Variants in LGMN observed in about 807,000 individuals in gnomAD.
LGMN encodes the protein legumain.
Under a neutral mutation model 56.8 loss-of-function variants are expected in LGMN, and 36 were observed. The ratio of observed to expected loss-of-function variants is 0.63; its 90% CI spans 0.49 to 0.84. The LOEUF (loss-of-function observed/expected upper bound fraction) is 0.84. LGMN is among the 40% of genes least tolerant of loss of function. The pLI is 0.00. For synonymous variants in LGMN, 199 were observed against 210.1 expected (o/e 0.95, Z 0.46); for missense variants, 446 against 556.1 (o/e 0.80, Z 1.99).
intron 1 of LGMN, among the ~76,000 whole-genome samples, chr14:92,743,275 G>A (rs1891649639): frequency 1.3e-5 from 2 of 152,228 alleles, no homozygotes; most frequent in Admixed American, 6.5e-5. Flanking sequence ...GCCAAGGCGG[G>A]TGGATCACGA....
At chr14:92,717,572 G>T (rs1026181431) in intron 3 of LGMN, 111 bp from the exon 4 acceptor site, 5 of 788,212 alleles carry the variant, frequency 6.3e-6, no homozygotes, top group African/African-American at 1.7e-5. Context: ...GTTGGTCAAA[G>T]AAACAACTTA....
At chr14:92,718,716 C>A in intron 3 of LGMN, 31 bp downstream of exon 3, 1 of 1,451,014 alleles carries the variant, frequency 6.9e-7, no homozygotes, top group Middle Eastern at 1.7e-4. Flanking sequence ...TGAAGTCCTT[C>A]CCCACCAAGT....
chr14:92,719,248 A>ACCAACACCACCACCG (rs1890276477), intron 2 of LGMN, among the ~76,000 whole-genome samples: 1 of 22,502 alleles, frequency 4.4e-5, no homozygotes, highest in Non-Finnish European at 8.4e-5. Flanking sequence ...CACCACCGCC[A>ACCAACACCACCACCG]CCACCACCAC....
At chr14:92,713,250 T>G (rs996726422) in intron 7 of LGMN, among the ~76,000 whole-genome samples, 1 of 152,038 alleles carries the variant, frequency 6.6e-6, no homozygotes, top group African/African-American at 2.4e-5. Context: ...TTTTGTTTTT[T>G]TGTTTTTTTA....
At chr14:92,725,395 T>A (rs543677088) in intron 2 of LGMN, among the ~76,000 whole-genome samples, 10 of 151,616 alleles carry the variant, frequency 6.6e-5, no homozygotes, top group Admixed American at 3.9e-4. Context: ...TAAAAAAAAA[T>A]TTTTAACTAG....
intron 1 of LGMN, among the ~76,000 whole-genome samples, chr14:92,743,966 G>A (rs1279039112): frequency 3.3e-5 from 5 of 151,266 alleles, no homozygotes; most frequent in Admixed American, 1.3e-4. Context: ...CCATCCTGGC[G>A]AACATGGTGA....
intron 7 of LGMN, 97 bp downstream of exon 7, chr14:92,713,726 C>T: frequency 4.7e-6 from 4 of 846,112 alleles, no homozygotes; most frequent in Non-Finnish European, 8.2e-6. Context: ...AAACACAGCA[C>T]CCACAGTTGG....
chr14:92,739,483 C>T (rs1161492541), intron 1 of LGMN, among the ~76,000 whole-genome samples: 1 of 152,190 alleles, frequency 6.6e-6, no homozygotes, highest in Non-Finnish European at 1.5e-5. Context: ...ATCCATCCAA[C>T]AAACACGGAC....
intron 1 of LGMN, among the ~76,000 whole-genome samples, chr14:92,735,579 A>C (rs1414142532): frequency 6.6e-6 from 1 of 152,184 alleles, no homozygotes; most frequent in Non-Finnish European, 1.5e-5. Flanking sequence ...ATGTGGCAGA[A>C]CTGCATTAAA....
intron 5 of LGMN, 34 bp downstream of exon 5, chr14:92,716,102 T>G: frequency 8.4e-6 from 12 of 1,429,208 alleles, no homozygotes; most frequent in Non-Finnish European, 1.2e-5. Flanking sequence ...CCCAAGCCAT[T>G]GAGAGAAGTG....
intron 1 of LGMN, among the ~76,000 whole-genome samples, chr14:92,746,522 C>T (rs1226880670): frequency 6.6e-6 from 1 of 152,234 alleles, no homozygotes; most frequent in Non-Finnish European, 1.5e-5. Context: ...TCCCGTCCCA[C>T]TGCAACTGTC....
At chr14:92,727,197 AG>A (rs1313634104) in intron 2 of LGMN, among the ~76,000 whole-genome samples, 1 of 150,862 alleles carries the variant, frequency 6.6e-6, no homozygotes, top group Non-Finnish European at 1.5e-5. Context: ...TTGGGAGCTG[AG>A]GCGGGCAGAT....
At chr14:92,747,815 C>T (rs1891885409) in intron 1 of LGMN, among the ~76,000 whole-genome samples, 1 of 152,172 alleles carries the variant, frequency 6.6e-6, no homozygotes, top group African/African-American at 2.4e-5. Context: ...TAAAACAAAG[C>T]ACGCGACACA....
chr14:92,716,687 C>G (rs1033532189), intron 4 of LGMN, among the ~76,000 whole-genome samples: 5 of 151,930 alleles, frequency 3.3e-5, no homozygotes, highest in African/African-American at 1.2e-4. Flanking sequence ...ATCTTTTTTA[C>G]CTGTATGATA....
At chr14:92,736,111 A>C (rs1891294136) in intron 1 of LGMN, among the ~76,000 whole-genome samples, 1 of 152,234 alleles carries the variant, frequency 6.6e-6, no homozygotes, top group Non-Finnish European at 1.5e-5. Context: ...CTACAGACAG[A>C]ACAGGGTGTT....
intron 2 of LGMN, among the ~76,000 whole-genome samples, chr14:92,728,712 T>C (rs1301500818): frequency 4.6e-5 from 7 of 152,336 alleles, no homozygotes; most frequent in African/African-American, 1.4e-4. Flanking sequence ...AAGATACCCA[T>C]GCCACATGAC....
chr14:92,705,562 C>A (rs184243650), intron 12 of LGMN, among the ~76,000 whole-genome samples: 7 of 152,238 alleles, frequency 4.6e-5, no homozygotes, highest in African/African-American at 1.7e-4. Context: ...TACCTTAACT[C>A]TGCCCCAGTG....
intron 10 of LGMN, 119 bp downstream of exon 10, chr14:92,711,540 C>T: frequency 2.1e-6 from 2 of 945,746 alleles, no homozygotes; most frequent in South Asian, 1.4e-5. Context: ...GCAGAGGCAT[C>T]CCTGCCTCAA....
chr14:92,716,383 A>G lies in LGMN; in HGVS notation c.319-162T>C, dbSNP rs529446477. 2.0e-5 allele frequency among the ~76,000 whole-genome samples: 3 copies of G among 152,344 alleles called. No homozygotes were observed. In the East Asian group the frequency reaches 5.8e-4, roughly 29 times the overall value. Reference sequence around the variant, plus strand: ...TGCCGTGGCTCACGCCTGTAATCCTAGCACTTTGGGAGGCCGAAGCGGGCG... The same window carrying G: ...TGCCGTGGCTCACGCCTGTAATCCTGGCACTTTGGGAGGCCGAAGCGGGCG... On this transcript the variant is annotated intron_variant, in intron 4 of 13. Coordinates refer to ENST00000334869, the MANE Select transcript of LGMN (RefSeq NM_005606.7).
Sources: allele counts gnomAD v4.1 joint callset (sites outside exome capture counted in the v4.1 genomes callset), GRCh38; gene constraint gnomAD v4.1.1; transcripts MANE v1.5; gene names NCBI Gene and HGNC (gene_info 2026-07-23, HGNC 2026-07-21).